TAFA4: variants seen among roughly 807,000 people sequenced by gnomAD.
TAFA4 encodes TAFA chemokine like family member 4.
TAFA4 carries 20 observed loss-of-function variants against 21.1 expected under a neutral mutation model. The observed-to-expected ratio is 0.95, with a 90% CI of 0.67 to 1.38. The LOEUF is 1.38. Ranked by LOEUF, TAFA4 falls within the 40% of genes most tolerant of loss-of-function variation. The probability of loss-of-function intolerance (pLI) is 0.00; values close to 1 mark genes in which losing one functional copy is unlikely to be tolerated. For missense variants in TAFA4, 211 were observed against 180.9 expected (o/e 1.17, Z -0.95); for synonymous variants, 71 against 67.4 (o/e 1.05, Z -0.26).
intron 3 of TAFA4, among the ~76,000 whole-genome samples, chr3:68,856,273 A>G (rs1184702961): frequency 6.6e-6 from 1 of 152,172 alleles, no homozygotes; most frequent in South Asian, 2.1e-4. Flanking sequence ...GAGAGGTCTA[A>G]GGCAACTTTA....
chr3:68,824,156 G>T (rs950420736), intron 3 of TAFA4, among the ~76,000 whole-genome samples: 1 of 152,112 alleles, frequency 6.6e-6, no homozygotes, highest in Non-Finnish European at 1.5e-5. Flanking sequence ...CGACAACATA[G>T]ATCATTTGTG....
intron 3 of TAFA4, among the ~76,000 whole-genome samples, chr3:68,878,109 T>A (rs748576809): frequency 3.3e-5 from 5 of 152,100 alleles, no homozygotes; most frequent in Non-Finnish European, 5.9e-5. Context: ...TGTGCCCCAG[T>A]TTTTCCAGGG....
At chr3:68,813,312 A>C (rs1703883924) in intron 3 of TAFA4, among the ~76,000 whole-genome samples, 1 of 152,226 alleles carries the variant, frequency 6.6e-6, no homozygotes, top group Non-Finnish European at 1.5e-5. Flanking sequence ...GAAGGCAAGA[A>C]ATAACTATGA....
intron 1 of TAFA4, among the ~76,000 whole-genome samples, chr3:68,931,177 G>C (rs567876966): frequency 2.3e-3 from 352 of 152,280 alleles, no homozygotes; most frequent in Non-Finnish European, 3.9e-3. Flanking sequence ...CACGGGGATC[G>C]CCTGTCACAT....
intron 3 of TAFA4, among the ~76,000 whole-genome samples, chr3:68,776,195 T>C (rs1488613324): frequency 9.2e-5 from 14 of 151,880 alleles, no homozygotes; most frequent in Non-Finnish European, 1.8e-4. Flanking sequence ...TAATCCAGGG[T>C]AACAAACTAA....
intron 1 of TAFA4, among the ~76,000 whole-genome samples, chr3:68,901,217 G>C (rs748090740): frequency 6.6e-6 from 1 of 151,978 alleles, no homozygotes; most frequent in Non-Finnish European, 1.5e-5. Flanking sequence ...GGATGATCCA[G>C]GTCCCTGAAG....
At chr3:68,892,014 G>C (rs2089735046) in intron 1 of TAFA4, among the ~76,000 whole-genome samples, 1 of 152,146 alleles carries the variant, frequency 6.6e-6, no homozygotes, top group Non-Finnish European at 1.5e-5. Context: ...TTATATTAAA[G>C]AGTGTGCTGA....
At chr3:68,846,244 C>A (rs1008802325) in intron 3 of TAFA4, among the ~76,000 whole-genome samples, 1 of 151,906 alleles carries the variant, frequency 6.6e-6, no homozygotes, top group South Asian at 2.1e-4. Flanking sequence ...ATCTTGTCTT[C>A]ATGCTCTATT....
At chr3:68,825,823 G>T (rs937924080) in intron 3 of TAFA4, among the ~76,000 whole-genome samples, 2 of 152,142 alleles carry the variant, frequency 1.3e-5, no homozygotes, top group African/African-American at 2.4e-5. Context: ...ACACAAAAAG[G>T]TGTCTATCCC....
chr3:68,852,497 G>C (rs1367195708), intron 3 of TAFA4, among the ~76,000 whole-genome samples: 1 of 152,136 alleles, frequency 6.6e-6, no homozygotes, highest in Non-Finnish European at 1.5e-5. Flanking sequence ...CCTAAAGGCA[G>C]CCTGTTTCAA....
chr3:68,856,042 G>A (rs1375707013), intron 3 of TAFA4, among the ~76,000 whole-genome samples: 2 of 151,752 alleles, frequency 1.3e-5, no homozygotes, highest in African/African-American at 2.4e-5. Flanking sequence ...GATTGAGTGT[G>A]GATCCTTAAT....
In TAFA4 at chr3:68,856,696, C is replaced by T. The variant is rs113314194; in HGVS notation, c.130+24034G>A. 7.9e-5 allele frequency among the ~76,000 whole-genome samples: 12 copies of T among 152,262 alleles called. No individual in the cohort carries two copies. In the East Asian group the frequency reaches 9.7e-4, roughly 12 times the overall value. On this transcript the variant is annotated intron_variant, in intron 3 of 5. Coordinates refer to ENST00000295569, the MANE Select transcript of TAFA4 (RefSeq NM_182522.5). ...GCACTAATGATTACATGGAAAGTCG[C>T]TCAACCCAAGTTATAGCTTCCACAT...
intron 3 of TAFA4, among the ~76,000 whole-genome samples, chr3:68,804,510 G>C (rs187292129): frequency 6.6e-6 from 1 of 152,140 alleles, no homozygotes; most frequent in African/African-American, 2.4e-5. Context: ...TAAGCCAAAA[G>C]AACAAAGCTG....
intron 3 of TAFA4, among the ~76,000 whole-genome samples, chr3:68,760,542 C>G (rs965117016): frequency 6.6e-6 from 1 of 152,128 alleles, no homozygotes; most frequent in Non-Finnish European, 1.5e-5. Flanking sequence ...GAAAATACAC[C>G]CTCAAAGAGA....
chr3:68,755,628 T>TG (rs1195895165), intron 3 of TAFA4, among the ~76,000 whole-genome samples: 2 of 152,196 alleles, frequency 1.3e-5, no homozygotes, highest in African/African-American at 4.8e-5. Flanking sequence ...GCAGATGTGC[T>TG]GGTTTGTCAA....
intron 3 of TAFA4, among the ~76,000 whole-genome samples, chr3:68,805,972 T>A (rs1161014004): frequency 2.0e-5 from 3 of 151,750 alleles, no homozygotes; most frequent in Non-Finnish European, 4.4e-5. Flanking sequence ...AAAATTTTTT[T>A]TAAAAAGTAC....
chr3:68,870,728 C>T (rs1482391413), intron 3 of TAFA4, among the ~76,000 whole-genome samples: 1 of 152,056 alleles, frequency 6.6e-6, no homozygotes, highest in Non-Finnish European at 1.5e-5. Context: ...CTAATACTCT[C>T]CCTCCCCTTG....
intron 3 of TAFA4, among the ~76,000 whole-genome samples, chr3:68,776,660 A>G (rs1703055167): frequency 6.6e-6 from 1 of 152,194 alleles, no homozygotes; most frequent in African/African-American, 2.4e-5. Flanking sequence ...AGCTGGACTT[A>G]CTTACTATTT....
chr3:68,870,004 A>C (rs750843215), intron 3 of TAFA4, among the ~76,000 whole-genome samples: 9 of 152,134 alleles, frequency 5.9e-5, no homozygotes, highest in Non-Finnish European at 1.2e-4. Context: ...AAGTGAATTC[A>C]GTAAAGTTGC....
Sources: allele counts gnomAD v4.1 joint callset (sites outside exome capture counted in the v4.1 genomes callset), GRCh38; gene constraint gnomAD v4.1.1; transcripts MANE v1.5; gene names NCBI Gene and HGNC (gene_info 2026-07-23, HGNC 2026-07-21).